IL1RAPL2: variants seen among roughly 807,000 people sequenced by gnomAD.
IL1RAPL2 encodes the protein interleukin 1 receptor accessory protein like 2, also known as X-linked interleukin-1 receptor accessory protein-like 2.
IL1RAPL2 carries 3 observed loss-of-function variants against 44.1 expected under a neutral mutation model. The ratio of observed to expected loss-of-function variants is 0.07; its 90% confidence interval spans 0.03 to 0.18. The LOEUF (loss-of-function observed/expected upper bound fraction) is 0.18. Ranked by LOEUF, IL1RAPL2 falls within the 10% of genes least tolerant of loss-of-function variation. The pLI is 1.00. For synonymous variants in IL1RAPL2, 181 were observed against 178.8 expected (o/e 1.01, Z -0.10); for missense variants, 391 against 496.4 (o/e 0.79, Z 2.02).
chrX:105,256,255 C>T lies in IL1RAPL2; in HGVS notation c.544-11133C>T, dbSNP rs771396142. Among the ~76,000 whole-genome samples, 19 of 110,676 alleles carry T rather than the reference C, an allele frequency of 1.7e-4. 1 individual carries two copies. In the South Asian group the frequency reaches 6.2e-3, roughly 36 times the overall value. On this transcript the variant is annotated intron_variant, in intron 4 of 10. Coordinates refer to ENST00000372582, the MANE Select transcript of IL1RAPL2 (RefSeq NM_017416.2). The stretch of plus-strand genomic sequence containing the variant: ...CTTATTGGTATGTCTGGTAGAATTT[C>T]GCTATGAATCCATCAAGTCCTGGGC...
At chrX:105,524,614 A>G (rs1251971399) in intron 6 of IL1RAPL2, among the ~76,000 whole-genome samples, 1 of 110,688 alleles carries the variant, frequency 9.0e-6, no homozygotes, top group Non-Finnish European at 1.9e-5. Flanking sequence ...TACAGTGAAG[A>G]TGTTTTTTTG....
chrX:105,207,715 C>G (rs1483005013), intron 3 of IL1RAPL2, among the ~76,000 whole-genome samples: 2 of 111,841 alleles, frequency 1.8e-5, no homozygotes, highest in Admixed American at 1.9e-4. Context: ...TCAGCTCTTT[C>G]TGCCCATTAC....
intron 4 of IL1RAPL2, among the ~76,000 whole-genome samples, chrX:105,260,475 G>A (rs377032771): frequency 8.9e-6 from 1 of 112,122 alleles, no homozygotes; most frequent in Non-Finnish European, 1.9e-5. Flanking sequence ...TTCTGCCCCT[G>A]GTCAGCTCAG....
intron 6 of IL1RAPL2, among the ~76,000 whole-genome samples, chrX:105,577,202 C>G (rs938285108): frequency 7.2e-5 from 8 of 111,263 alleles, no homozygotes; most frequent in Admixed American, 2.9e-4. Context: ...ATTTCACCAT[C>G]TTTTAAAAAT....
chrX:104,648,522 C>T (rs1179354666), intron 1 of IL1RAPL2, among the ~76,000 whole-genome samples: 5 of 112,159 alleles, frequency 4.5e-5, no homozygotes, highest in Admixed American at 3.8e-4. Flanking sequence ...AGACTATTGA[C>T]AAACACTTTT....
At chrX:104,970,570 T>C (rs762425077) in intron 2 of IL1RAPL2, among the ~76,000 whole-genome samples, 2 of 111,734 alleles carry the variant, frequency 1.8e-5, no homozygotes, top group East Asian at 5.6e-4. Context: ...ACTTCTGGGT[T>C]TTCTGGTCAT....
intron 2 of IL1RAPL2, among the ~76,000 whole-genome samples, chrX:105,030,982 G>C (rs2031481662): frequency 9.1e-6 from 1 of 110,343 alleles, no homozygotes; most frequent in Non-Finnish European, 1.9e-5. Context: ...TGGATTCCTA[G>C]GTATTTTATT....
chrX:105,393,190 G>A (rs1397039907), intron 5 of IL1RAPL2, among the ~76,000 whole-genome samples: 1 of 110,589 alleles, frequency 9.0e-6, no homozygotes, highest in East Asian at 2.9e-4. Context: ...TAGGGAATGG[G>A]TGCTGCTGAT....
At chrX:104,925,665 A>G (rs1924756780) in intron 2 of IL1RAPL2, among the ~76,000 whole-genome samples, 1 of 111,963 alleles carries the variant, frequency 8.9e-6, no homozygotes, top group Admixed American at 9.5e-5. Flanking sequence ...TCATGTTAAA[A>G]ACTCTCAATA....
chrX:105,143,169 G>T (rs1210703447), intron 2 of IL1RAPL2, among the ~76,000 whole-genome samples: 2 of 111,205 alleles, frequency 1.8e-5, no homozygotes, highest in Non-Finnish European at 3.8e-5. Flanking sequence ...GCTACAGAAT[G>T]GGAGAAAATT....
At chrX:105,149,132 C>T (rs1400056172) in intron 2 of IL1RAPL2, among the ~76,000 whole-genome samples, 2 of 112,166 alleles carry the variant, frequency 1.8e-5, no homozygotes, top group East Asian at 5.6e-4. Flanking sequence ...AAATTAGCTG[C>T]TCCTGTAGTA....
Position 104,798,505 on chromosome X carries a change from A to T in IL1RAPL2, c.82+139510A>T, listed in dbSNP as rs180755833. 4.5e-3 allele frequency among the ~76,000 whole-genome samples: 496 copies of T among 109,460 alleles called. 1 individual carries two copies. The highest frequency in any genetic ancestry group is 0.015 in the African/African-American group (451 of 30,044). Reference sequence around the variant, plus strand: ...AACCCTGTCTCTACTAAAAATAAAAAAAAAAAAAAAATTAGCCAGGCGTGG... The same window carrying T: ...AACCCTGTCTCTACTAAAAATAAAATAAAAAAAAAAATTAGCCAGGCGTGG... On this transcript the variant is annotated intron_variant, in intron 2 of 10. Transcript: ENST00000372582.
intron 6 of IL1RAPL2, among the ~76,000 whole-genome samples, chrX:105,685,303 C>G (rs2037961113): frequency 9.0e-6 from 1 of 111,142 alleles, no homozygotes; most frequent in Admixed American, 9.6e-5. Context: ...AAGCTAAAAA[C>G]CTTGAAAAAA....
At chrX:105,293,546 T>C (rs1216941218) in intron 5 of IL1RAPL2, among the ~76,000 whole-genome samples, 1 of 112,394 alleles carries the variant, frequency 8.9e-6, no homozygotes, top group Non-Finnish European at 1.9e-5. Flanking sequence ...TCAAATCTTT[T>C]GCTGCTTCCT....
rs368287847 is a variant in IL1RAPL2, at chrX:105,451,983, C to T, written c.698-32330C>T. Among the ~76,000 whole-genome samples the T allele has an allele frequency of 3.6e-5, 4 of 111,199 alleles. No individual in the cohort carries two copies. In the East Asian group the frequency reaches 8.5e-4, roughly 24 times the overall value. ...ATAATTACTAATATAAATATAGTCACGTGGCCTAAAAAACCCTCTATAACA... is the reference window on the plus strand; with the variant it reads ...ATAATTACTAATATAAATATAGTCATGTGGCCTAAAAAACCCTCTATAACA... On this transcript the variant is annotated intron_variant, in intron 5 of 10. Transcript: ENST00000372582.
chrX:105,338,897 C>T (rs1437605029), intron 5 of IL1RAPL2, among the ~76,000 whole-genome samples: 4 of 110,949 alleles, frequency 3.6e-5, no homozygotes, highest in Middle Eastern at 9.2e-3. Flanking sequence ...GTCAGGAGTT[C>T]GAGACCAGCC....
chrX:105,041,449 T>A (rs2031734995), intron 2 of IL1RAPL2, among the ~76,000 whole-genome samples: 1 of 110,755 alleles, frequency 9.0e-6, no homozygotes, highest in Non-Finnish European at 1.9e-5. Context: ...ACTTTCTGTC[T>A]CATTGATCTG....
At chrX:105,070,950 T>C (rs1210152552) in intron 2 of IL1RAPL2, among the ~76,000 whole-genome samples, 7 of 111,386 alleles carry the variant, frequency 6.3e-5, no homozygotes, top group Non-Finnish European at 1.3e-4. Flanking sequence ...GTGTTCTAAA[T>C]CTGTGCTATG....
intron 6 of IL1RAPL2, among the ~76,000 whole-genome samples, chrX:105,624,095 GC>G (rs1020702018): frequency 9.0e-6 from 1 of 110,871 alleles, no homozygotes; most frequent in Non-Finnish European, 1.9e-5. Context: ...TATTTTGAAG[GC>G]CCTGAAGAGA....
Sources: allele counts gnomAD v4.1 joint callset (sites outside exome capture counted in the v4.1 genomes callset), GRCh38; gene constraint gnomAD v4.1.1; transcripts MANE v1.5; gene names NCBI Gene and HGNC (gene_info 2026-07-23, HGNC 2026-07-21).